Variants in SYCP2 observed in about 807,000 individuals in gnomAD.
The protein encoded by SYCP2 is synaptonemal complex protein 2.
Under a neutral mutation model 211.3 loss-of-function variants are expected in SYCP2, and 55 were observed. The ratio of observed to expected loss-of-function variants is 0.26; its 90% CI spans 0.21 to 0.33. SYCP2 has a LOEUF of 0.33. SYCP2 is among the 10% of genes least tolerant of loss of function. The pLI is 1.00. For synonymous variants in SYCP2, 570 were observed against 555.2 expected (o/e 1.03, Z -0.37); for missense variants, 1,731 against 1,752.0 (o/e 0.99, Z 0.21).
At chr20:59,913,566 C>T (rs182116375) in intron 12 of SYCP2, among the ~76,000 whole-genome samples, 82 of 152,130 alleles carry the variant, frequency 5.4e-4, no homozygotes, top group African/African-American at 1.9e-3. Context: ...GATTTGTTTG[C>T]TATATATTTA....
At chr20:59,914,078 C>A in intron 11 of SYCP2, 31 bp downstream of exon 11, 1 of 1,574,652 alleles carries the variant, frequency 6.4e-7, no homozygotes, top group South Asian at 1.2e-5. Flanking sequence ...TTTAAAAATT[C>A]ACGAATTTCT....
chr20:59,919,141 A>T lies in SYCP2; in HGVS notation c.427+17T>A. ...GTAAAATTTATTGTTCCAATAGAAA[A>T]TAAGTGTTTATTATACCTTCATCAC... On this transcript the variant is annotated intron_variant, in intron 7 of 44. Coordinates refer to ENST00000357552, the MANE Select transcript of SYCP2 (RefSeq NM_014258.4). 1 of 1,230,976 alleles carries T rather than the reference A, an allele frequency of 8.1e-7. No individual in the cohort carries two copies. The highest frequency in any genetic ancestry group is 1.2e-6 in the Non-Finnish European group (1 of 861,366). The allele number at this position is 1,230,976 out of a possible 1,614,324, so 76.3% of individuals were successfully genotyped here.
chr20:59,932,433 T>C (rs1438043851), intron 1 of SYCP2, among the ~76,000 whole-genome samples: 1 of 152,048 alleles, frequency 6.6e-6, no homozygotes, highest in Non-Finnish European at 1.5e-5. Context: ...CCCAGCACTT[T>C]GGGAAGCCGA....
Position 59,873,876 on chromosome 20 carries a change from T to C in SYCP2, c.3535A>G (p.Ile1179Val), listed in dbSNP as rs1471024187. 6.2e-7 allele frequency: 1 copy of C among 1,611,064 alleles called. No individual in the cohort carries two copies. ...CTCACCAAAAACAGTGGTCGTGGAA[T>C]TGGTGAACAACTTTCACTTGCACAC... ...FLCASESCSP[I>V]PRPLFLPRHT... Residue 1179 changes from isoleucine to valine, a missense_variant, in exon 35 of 45, where the codon ATT (isoleucine) becomes GTT (valine). Ile to Val is a conservative substitution (Grantham distance 29, BLOSUM62 3). Around this residue, in one of 3 missense-constraint regions of SYCP2, gnomAD observed 1,387 missense variants for 1,351.3 expected, o/e 1.03. Transcript: ENST00000357552.
intron 7 of SYCP2, 125 bp from the exon 8 acceptor site, chr20:59,916,696 T>C (rs1208467418): frequency 1.6e-6 from 1 of 627,460 alleles, no homozygotes; most frequent in African/African-American, 1.9e-5. Context: ...TCCTAGCACT[T>C]TGGAAGGCCC....
intron 24 of SYCP2, among the ~76,000 whole-genome samples, chr20:59,889,008 T>C (rs1299311568): frequency 6.6e-6 from 1 of 151,988 alleles, no homozygotes; most frequent in Non-Finnish European, 1.5e-5. Flanking sequence ...ATTCCACATA[T>C]ATGGATAGAA....
intron 15 of SYCP2, among the ~76,000 whole-genome samples, chr20:59,905,088 T>C (rs1055366034): frequency 2.0e-5 from 3 of 152,166 alleles, no homozygotes; most frequent in Non-Finnish European, 4.4e-5. Flanking sequence ...CAAGGCAAGA[T>C]GGTAGGAGGG....
chr20:59,864,410 T>C lies in SYCP2; in HGVS notation c.4516-22A>G, dbSNP rs1234621310. The C allele has an allele frequency of 2.0e-5, 29 of 1,474,000 alleles. No homozygotes were observed. The South Asian group carries it at 2.5e-4, about 13-fold the overall frequency. The allele number at this position is 1,474,000 out of a possible 1,614,324, so 91.3% of individuals were successfully genotyped here. On this transcript the variant is annotated intron_variant, in intron 44 of 44. Transcript: ENST00000357552. ...CTAGCTATAGCCAAGAAAAAAAAAA[T>C]CACACTTAGATTTCACATTTTCGCT...
Position 59,895,391 on chromosome 20 carries a change from A to G in SYCP2, c.1665+46T>C, listed in dbSNP as rs1371510967. 5.9e-6 allele frequency: 9 copies of G among 1,525,058 alleles called. No homozygotes were observed. The Admixed American group carries it at 1.8e-4, about 30-fold the overall frequency. The allele number at this position is 1,525,058 out of a possible 1,614,324, so 94.5% of individuals were successfully genotyped here. A position where few individuals can be genotyped will look rare whatever the true frequency, so the allele number is the denominator to read the frequency against. ...GAGTTAGCTCAATACATATTTCCAC[A>G]ATTACTTGAAAAAATATTTTTAAAA... On this transcript the variant is annotated intron_variant, in intron 20 of 44. Coordinates refer to ENST00000357552, the MANE Select transcript of SYCP2 (RefSeq NM_014258.4).
rs370841262 is a variant in SYCP2, at chr20:59,885,976, G to T, written c.2493-12C>A. ...TGTTTGAAAAACCACTGTAAAAAAA[G>T]ATTTTGTCAAAATTGAAAAAGCAAA... is the stretch of plus-strand genomic sequence containing the variant. On this transcript the variant is annotated splice_polypyrimidine_tract_variant and intron_variant, in intron 25 of 44. Transcript: ENST00000357552. 6.3e-7 allele frequency: 1 copy of T among 1,594,826 alleles called. No individual in the cohort carries two copies. The highest frequency in any genetic ancestry group is 1.4e-5 in the African/African-American group (1 of 73,872).
intron 26 of SYCP2, 79 bp from the exon 27 acceptor site, chr20:59,882,244 G>A (rs897448700): frequency 1.7e-5 from 18 of 1,051,128 alleles, no homozygotes; most frequent in South Asian, 8.5e-5. Context: ...AATCAGAAAT[G>A]CAAATCAAAA....
Position 59,892,685 on chromosome 20 carries a change from C to G in SYCP2, c.1810G>C (p.Asp604His). Residue 604 changes from aspartate (D) to histidine (H), a missense_variant, in exon 23 of 45, where the codon GAC becomes CAC. By Grantham distance (81) the Asp-to-His change is moderately conservative. This residue lies in a region of SYCP2 where 1,387 missense variants were observed against 1,351.3 expected (regional missense o/e 1.03). Transcript: ENST00000357552. ...RDHTILPGVLDNICGNKIHSK... is the reference protein window; with the variant it reads ...RDHTILPGVLHNICGNKIHSK... ...TGTATTTTATTTCCACAGATGTTGT[C>G]TAAAACACCAGGTAATCTAGAAAAT... The G allele has an allele frequency of 1.2e-6, 2 of 1,603,612 alleles. No individual in the cohort carries two copies. The highest frequency in any genetic ancestry group is 1.7e-6 in the Non-Finnish European group (2 of 1,175,678).
rs1309748292 is a variant in SYCP2, at chr20:59,915,212, A to G, written c.600-13T>C. On this transcript the variant is annotated splice_polypyrimidine_tract_variant and intron_variant, in intron 9 of 44. Transcript: ENST00000357552. ...TCCCATACTACTCCTGTGAATTAAA[A>G]TAACAGATTACAAAATAGACCAGTA... The G allele has an allele frequency of 6.4e-7, 1 of 1,560,710 alleles. No individual in the cohort carries two copies.
In SYCP2 at chr20:59,884,547, T is replaced by C. The variant is rs570413556; in HGVS notation, c.2529+1381A>G. ...AATATTAATTTTATGTTGTGATTCA[T>C]CTTCAATTTCTTTCCGTTATTTTAT... On this transcript the variant is annotated intron_variant, in intron 26 of 44. Transcript: ENST00000357552. Among the ~76,000 whole-genome samples the C allele has an allele frequency of 6.6e-5, 10 of 152,220 alleles. No homozygotes were observed. The East Asian group carries it at 1.9e-3, about 29-fold the overall frequency.
intron 13 of SYCP2, 97 bp from the exon 14 acceptor site, chr20:59,911,942 C>T: frequency 2.0e-6 from 1 of 495,280 alleles, no homozygotes; most frequent in East Asian, 3.4e-5. Flanking sequence ...GAAAACAAAG[C>T]TAGAAGGAGA....
At chr20:59,877,665 G>A in intron 32 of SYCP2, 110 bp from the exon 33 acceptor site, 1 of 874,014 alleles carries the variant, frequency 1.1e-6, no homozygotes, top group Non-Finnish European at 1.8e-6. Flanking sequence ...ATATTTGTAA[G>A]AATGATTCTT....
chr20:59,891,652 C>A (rs972128051), intron 24 of SYCP2, among the ~76,000 whole-genome samples: 7 of 151,364 alleles, frequency 4.6e-5, no homozygotes, highest in Non-Finnish European at 8.9e-5. Flanking sequence ...GAAAAAAAAA[C>A]CATTTATTAA....
At position 59,873,978 on chromosome 20, in the gene SYCP2, A is replaced by G. The variant is rs1224295550; in HGVS notation, c.3433T>C (p.Ser1145Pro). The G allele has an allele frequency of 6.2e-7, 1 of 1,613,284 alleles. No individual in the cohort carries two copies. Among genetic ancestry groups the G allele is most frequent in the Non-Finnish European group, 8.5e-7 (1 of 1,179,542 alleles). ...KSISPYPKTS[S>P]LESLNSNSGV... ...CTGTTACTATTTAAGGATTCAAGTG[A>G]TGAAGTTTTTGGATAAGGTGATATA... The change falls in exon 35 of 45, where the codon TCA becomes CCA. Residue 1145 changes from serine (S) to proline (P), a missense_variant. Physicochemically the swap from Ser to Pro is moderately conservative, Grantham distance 74. Around this residue, in one of 3 missense-constraint regions of SYCP2, gnomAD observed 1,387 missense variants for 1,351.3 expected, o/e 1.03. Coordinates refer to ENST00000357552, the MANE Select transcript of SYCP2 (RefSeq NM_014258.4).
At chr20:59,864,951 C>T (rs1402575632) in intron 44 of SYCP2, among the ~76,000 whole-genome samples, 1 of 151,968 alleles carries the variant, frequency 6.6e-6, no homozygotes, top group African/African-American at 2.4e-5. Context: ...GTCTACTAGG[C>T]CACTGGAAAG....
Sources: allele counts gnomAD v4.1 joint callset (sites outside exome capture counted in the v4.1 genomes callset), GRCh38; gene constraint gnomAD v4.1.1; regional missense constraint gnomAD v4.1.1; transcripts MANE v1.5; gene names NCBI Gene and HGNC (gene_info 2026-07-23, HGNC 2026-07-21).